The following CMSS1 variants were observed in gnomAD, a reference collection of about 807,000 sequenced individuals.
CMSS1 encodes the protein protein CMSS1.
Under a neutral mutation model 43.5 loss-of-function variants are expected in CMSS1, and 33 were observed. The observed-to-expected ratio is 0.76, with a 90% CI of 0.57 to 1.01. The LOEUF is 1.01. Among genes scored for constraint, CMSS1 ranks in the 50% least tolerant of loss-of-function variants. CMSS1 has a pLI of 0.00. For synonymous variants in CMSS1, 115 were observed against 117.2 expected (o/e 0.98, Z 0.12); for missense variants, 313 against 326.4 (o/e 0.96, Z 0.32).
chr3:99,926,808 T>G (rs1707306220), intron 1 of CMSS1, among the ~76,000 whole-genome samples: 1 of 152,188 alleles, frequency 6.6e-6, no homozygotes, highest in South Asian at 2.1e-4. Flanking sequence ...CTTTCCATTG[T>G]TTTTTTCCCT....
intron 1 of CMSS1, among the ~76,000 whole-genome samples, chr3:99,930,566 A>T (rs894271928): frequency 6.6e-6 from 1 of 152,178 alleles, no homozygotes; most frequent in East Asian, 1.9e-4. Context: ...TGCCAATCAC[A>T]TGTCATCATG....
chr3:99,851,041 T>G, intron 1 of CMSS1: 1 of 1,594,852 alleles, frequency 6.3e-7, no homozygotes, highest in Non-Finnish European at 8.5e-7. Context: ...CTCCTGAGAC[T>G]TGATTTCTTG....
At chr3:100,011,503 C>A (rs1710155993) in intron 1 of CMSS1, among the ~76,000 whole-genome samples, 1 of 152,158 alleles carries the variant, frequency 6.6e-6, no homozygotes, top group Admixed American at 6.5e-5. Context: ...TCTTCCTTCC[C>A]TCCAGTTTTA....
At chr3:100,107,857 G>A (rs1292387386) in intron 1 of CMSS1, among the ~76,000 whole-genome samples, 3 of 149,044 alleles carry the variant, frequency 2.0e-5, no homozygotes, top group African/African-American at 4.9e-5. Context: ...ATATTTTATG[G>A]TAGAAGAGAG....
At chr3:100,168,579 T>C (rs16841960) in intron 6 of CMSS1, among the ~76,000 whole-genome samples, 1,591 of 152,126 alleles carry the variant, frequency 0.01, 15 homozygotes, top group African/African-American at 0.036. Flanking sequence ...CCAAAACTTA[T>C]GTACAGACAA....
intron 9 of CMSS1, 85 bp downstream of exon 9, chr3:100,176,500 G>A (rs2067149418): frequency 4.8e-6 from 4 of 826,040 alleles, no homozygotes; most frequent in Non-Finnish European, 8.0e-6. Context: ...TTTGACATGA[G>A]GAGCCAGCAC....
chr3:99,872,216 G>A (rs1944825328), intron 1 of CMSS1, among the ~76,000 whole-genome samples: 1 of 150,040 alleles, frequency 6.7e-6, no homozygotes, highest in South Asian at 2.1e-4. Context: ...TGGATCAGAT[G>A]ACCTCCATTG....
At chr3:99,975,789 C>T (rs939957727) in intron 1 of CMSS1, among the ~76,000 whole-genome samples, 3 of 152,116 alleles carry the variant, frequency 2.0e-5, no homozygotes, top group Non-Finnish European at 4.4e-5. Context: ...ATTGAAAAGT[C>T]GTGTATATGT....
chr3:99,972,639 A>G (rs926303519), intron 1 of CMSS1, among the ~76,000 whole-genome samples: 2 of 152,206 alleles, frequency 1.3e-5, no homozygotes, highest in Admixed American at 6.5e-5. Flanking sequence ...TGCTTATGAA[A>G]TGAGCCCATG....
At chr3:99,949,811 C>T (rs1708122685) in intron 1 of CMSS1, among the ~76,000 whole-genome samples, 1 of 152,148 alleles carries the variant, frequency 6.6e-6, no homozygotes, top group Non-Finnish European at 1.5e-5. Context: ...ATGAGACTTA[C>T]ATGTAGAAAT....
At chr3:99,937,985 A>T (rs1470153229) in intron 1 of CMSS1, among the ~76,000 whole-genome samples, 2 of 152,242 alleles carry the variant, frequency 1.3e-5, no homozygotes, top group African/African-American at 4.8e-5. Context: ...CTCATAAGAG[A>T]TAGCAAAGAC....
intron 1 of CMSS1, among the ~76,000 whole-genome samples, chr3:100,144,974 G>A (rs1007151366): frequency 2.1e-4 from 32 of 151,918 alleles, no homozygotes; most frequent in African/African-American, 7.7e-4. Context: ...ATTGTACTTC[G>A]CCAGAGGGGT....
intron 1 of CMSS1, among the ~76,000 whole-genome samples, chr3:99,969,380 T>G (rs1708748540): frequency 6.6e-6 from 1 of 152,102 alleles, no homozygotes; most frequent in South Asian, 2.1e-4. Context: ...GAGTAGGAGG[T>G]TGAGCCACGT....
chr3:99,936,310 A>G (rs1037334777), intron 1 of CMSS1, among the ~76,000 whole-genome samples: 4 of 150,908 alleles, frequency 2.7e-5, no homozygotes, highest in Non-Finnish European at 5.9e-5. Flanking sequence ...AGCCCATTCT[A>G]AATGCCTTCC....
intron 1 of CMSS1, among the ~76,000 whole-genome samples, chr3:99,998,763 G>T (rs888399068): frequency 6.6e-6 from 1 of 152,148 alleles, no homozygotes; most frequent in African/African-American, 2.4e-5. Flanking sequence ...TAGAGACCGG[G>T]TTTCACCGTA....
rs2067065350 is a variant in CMSS1, at chr3:100,166,340, T to G, written c.361T>G (p.Cys121Gly). Residue 121 changes from cysteine (C) to glycine (G), a missense_variant, in exon 5 of 10, where the codon TGT (cysteine) becomes GGT (glycine). Cys to Gly is a radical substitution (Grantham distance 159). Coordinates refer to ENST00000421999, the MANE Select transcript of CMSS1 (RefSeq NM_032359.4). ...ELEELNLPDS[C>G]FLKANDLTHS... ...CATGTTTATTATATTTCTAGACTCC[T>G]GTTTCCTCAAGGCCAATGATTTGAC... The G allele has an allele frequency of 6.3e-7, 1 of 1,594,202 alleles. No homozygotes were observed. The highest frequency in any genetic ancestry group is 1.3e-5 in the African/African-American group (1 of 74,664).
At chr3:100,014,891 C>CTTTTTTTTTTTTTTTTTTTTTTT (rs1710284139) in intron 1 of CMSS1, among the ~76,000 whole-genome samples, 9 of 27,218 alleles carry the variant, frequency 3.3e-4, no homozygotes, top group Admixed American at 4.7e-4. Context: ...TTTTTTCTTT[C>CTTTTTTTTTTTTTTTTTTTTTTT]TTTCTTTTTT....
chr3:99,955,999 T>C (rs1391986381), intron 1 of CMSS1, among the ~76,000 whole-genome samples: 1 of 152,352 alleles, frequency 6.6e-6, no homozygotes, highest in African/African-American at 2.4e-5. Context: ...AGTCCTTGGC[T>C]AGGTTGTAAG....
intron 1 of CMSS1, among the ~76,000 whole-genome samples, chr3:99,900,442 T>C (rs1267714712): frequency 6.6e-6 from 1 of 152,196 alleles, no homozygotes; most frequent in Non-Finnish European, 1.5e-5. Context: ...ATGAAGAAAC[T>C]GAGTCTCTAA....
Sources: gnomAD v4.1 joint callset for allele counts (sites outside exome capture counted in the v4.1 genomes callset) on GRCh38, gnomAD v4.1.1 for gene constraint, MANE v1.5 for transcripts, NCBI Gene and HGNC (gene_info 2026-07-23, HGNC 2026-07-21) for gene names.